The following PAN3 variants were observed in gnomAD, a reference collection of about 807,000 sequenced individuals.
The protein encoded by PAN3 is PAN2-PAN3 deadenylation complex subunit PAN3.
PAN3 carries 19 observed loss-of-function variants against 96.2 expected under a neutral mutation model. That is an observed-to-expected ratio of 0.20 (90% CI 0.14 to 0.29). The LOEUF (loss-of-function observed/expected upper bound fraction) is 0.29. PAN3 is among the 10% of genes least tolerant of loss of function. PAN3 has a pLI of 1.00. For missense variants in PAN3, 882 were observed against 1,108.1 expected (o/e 0.80, Z 2.90); for synonymous variants, 433 against 406.6 (o/e 1.06, Z -0.78).
At position 28,250,922 on chromosome 13, in the gene PAN3, G is replaced by A. The variant is rs1884670704; in HGVS notation, c.1001-5370G>A. ...TCCAGTATTCTTTTCTTCTTTTCCT[G>A]GATATTTACATTTTCATTATTTTGT... On this transcript the variant is annotated intron_variant, in intron 6 of 18. Coordinates refer to ENST00000380958, the MANE Select transcript of PAN3 (RefSeq NM_175854.8). Among the ~76,000 whole-genome samples, 4 of 151,788 alleles carry A rather than the reference G, an allele frequency of 2.6e-5. No individual in the cohort carries two copies. In the South Asian group the frequency reaches 8.3e-4, roughly 32 times the overall value.
At chr13:28,215,317 A>T (rs1274114877) in intron 5 of PAN3, 8 of 735,304 alleles carry the variant, frequency 1.1e-5, no homozygotes, top group Non-Finnish European at 2.0e-5. Flanking sequence ...GACCGAGTGG[A>T]GACTGGTGTT....
intron 7 of PAN3, among the ~76,000 whole-genome samples, chr13:28,256,762 A>G (rs1215727280): frequency 6.6e-6 from 1 of 152,218 alleles, no homozygotes; most frequent in African/African-American, 2.4e-5. Flanking sequence ...TTAATCAGAA[A>G]TTAGATTATA....
intron 5 of PAN3, among the ~76,000 whole-genome samples, chr13:28,206,274 C>G (rs1192791659): frequency 6.6e-6 from 1 of 150,586 alleles, no homozygotes; most frequent in Non-Finnish European, 1.5e-5. Flanking sequence ...TTCCTTTTCA[C>G]CATTCTATTG....
chr13:28,223,229 A>G (rs1161856993), intron 6 of PAN3, among the ~76,000 whole-genome samples: 3 of 152,208 alleles, frequency 2.0e-5, no homozygotes, highest in Non-Finnish European at 2.9e-5. Context: ...ACTCACAGCT[A>G]ATTAGGTTTT....
intron 5 of PAN3, among the ~76,000 whole-genome samples, chr13:28,203,807 C>G (rs999660228): frequency 1.4e-5 from 2 of 139,846 alleles, no homozygotes; most frequent in Non-Finnish European, 3.2e-5. Flanking sequence ...TTTTTCTTTT[C>G]TTTTTTTTTT....
intron 9 of PAN3, among the ~76,000 whole-genome samples, chr13:28,263,373 C>T (rs1473925719): frequency 2.6e-5 from 4 of 152,224 alleles, no homozygotes; most frequent in African/African-American, 9.7e-5. Context: ...CTTGCTGTCA[C>T]CCAGGCTGGA....
intron 18 of PAN3, among the ~76,000 whole-genome samples, chr13:28,289,074 C>T (rs1869369802): frequency 6.6e-6 from 1 of 152,116 alleles, no homozygotes; most frequent in South Asian, 2.1e-4. Flanking sequence ...GATCCACCCG[C>T]CTCAGCCTCC....
At chr13:28,285,662 A>C (rs540173034) in intron 17 of PAN3, among the ~76,000 whole-genome samples, 3 of 152,072 alleles carry the variant, frequency 2.0e-5, no homozygotes, top group Non-Finnish European at 4.4e-5. Flanking sequence ...TTGATTTTCA[A>C]ATATTCTCTT....
In PAN3 at chr13:28,293,162, A is replaced by C. The variant is rs1308838419; in HGVS notation, c.*640A>C. The C allele has an allele frequency of 2.0e-5, 3 of 152,214 alleles. No homozygotes were observed. Among genetic ancestry groups the C allele is most frequent in the African/African-American group, 7.2e-5 (3 of 41,458 alleles). 9.4% of individuals were successfully genotyped at this position (152,214 alleles called of 1,614,324 possible). ...AATTGTTGGATATGAATTCCCTGTT[A>C]GTTGATTTAAATCCTTTCTGAATAA... On this transcript the variant is annotated 3_prime_UTR_variant, in exon 19 of 19. Transcript: ENST00000380958.
intron 6 of PAN3, among the ~76,000 whole-genome samples, chr13:28,222,412 T>C (rs1357907896): frequency 1.3e-5 from 2 of 152,138 alleles, no homozygotes; most frequent in African/African-American, 2.4e-5. Flanking sequence ...TCTGGAACCA[T>C]TGGAAATAGG....
At chr13:28,240,170 A>G (rs1040111432) in intron 6 of PAN3, 1 of 152,156 alleles carries the variant, frequency 6.6e-6, no homozygotes, top group African/African-American at 2.4e-5. Flanking sequence ...TATTAATAAG[A>G]TATAATGAAT....
intron 6 of PAN3, among the ~76,000 whole-genome samples, chr13:28,243,871 T>C (rs1883917319): frequency 6.6e-6 from 1 of 152,112 alleles, no homozygotes; most frequent in African/African-American, 2.4e-5. Flanking sequence ...GTATTTTTAG[T>C]AGAGCGGTAT....
chr13:28,139,113 C>T (rs1038698645), intron 1 of PAN3, 26 bp downstream of exon 1: 4 of 1,269,838 alleles, frequency 3.2e-6, no homozygotes, highest in Non-Finnish European at 4.0e-6. Context: ...GCGGGGCGGG[C>T]CGCGGCGGCG....
intron 6 of PAN3, among the ~76,000 whole-genome samples, chr13:28,242,876 T>C (rs946080721): frequency 6.6e-6 from 1 of 152,228 alleles, no homozygotes; most frequent in African/African-American, 2.4e-5. Flanking sequence ...GTTTAGGTCT[T>C]ATACATATTT....
At chr13:28,248,467 A>C (rs1884415963) in intron 6 of PAN3, among the ~76,000 whole-genome samples, 1 of 152,164 alleles carries the variant, frequency 6.6e-6, no homozygotes, top group Non-Finnish European at 1.5e-5. Context: ...ATATTGAATA[A>C]AAGTGATGAA....
chr13:28,264,832 C>T (rs1593595745), intron 9 of PAN3, among the ~76,000 whole-genome samples: 1 of 152,148 alleles, frequency 6.6e-6, no homozygotes, highest in East Asian at 1.9e-4. Context: ...GGAATGGGGC[C>T]CAGCAAACTA....
At chr13:28,179,539 A>AC (rs548129064) in intron 4 of PAN3, among the ~76,000 whole-genome samples, 5 of 151,926 alleles carry the variant, frequency 3.3e-5, no homozygotes, top group Admixed American at 6.6e-5. Flanking sequence ...ACATACCAAG[A>AC]CCCCATCTCT....
At chr13:28,204,296 T>C (rs979410319) in intron 5 of PAN3, among the ~76,000 whole-genome samples, 5 of 152,224 alleles carry the variant, frequency 3.3e-5, no homozygotes, top group African/African-American at 9.6e-5. Flanking sequence ...TCACTTTGCC[T>C]GACCAATCTG....
chr13:28,188,720 G>C lies in PAN3; in HGVS notation c.691-8465G>C, dbSNP rs1232384446. On this transcript the variant is annotated intron_variant, in intron 4 of 18. Coordinates refer to ENST00000380958, the MANE Select transcript of PAN3 (RefSeq NM_175854.8). Reference sequence around the variant, plus strand: ...TAATTCACGGCATTGGAAACTTTTTGTCCTGAAGCAACAGTTTTCTCTAGT... The same window carrying C: ...TAATTCACGGCATTGGAAACTTTTTCTCCTGAAGCAACAGTTTTCTCTAGT... Among the ~76,000 whole-genome samples, 4 of 152,152 alleles carry C rather than the reference G, an allele frequency of 2.6e-5. No individual in the cohort carries two copies. In the East Asian group the frequency reaches 7.7e-4, roughly 29 times the overall value.
Sources: gnomAD v4.1 joint callset for allele counts (sites outside exome capture counted in the v4.1 genomes callset) on GRCh38, gnomAD v4.1.1 for gene constraint, MANE v1.5 for transcripts, NCBI Gene and HGNC (gene_info 2026-07-23, HGNC 2026-07-21) for gene names.